Variants in CUX1 observed in about 807,000 individuals in gnomAD.
CUX1 encodes protein CASP.
Under a neutral mutation model 158.8 loss-of-function variants are expected in CUX1, and 31 were observed. That is an observed-to-expected ratio of 0.20 (90% CI 0.15 to 0.26). The LOEUF (loss-of-function observed/expected upper bound fraction) is 0.26, where lower values mean the gene tolerates loss of function less well. Ranked by LOEUF, CUX1 falls within the 10% of genes least tolerant of loss-of-function variation. CUX1 has a pLI of 1.00. For missense variants in CUX1, 1,589 were observed against 2,014.6 expected, an observed-to-expected ratio of 0.79 and a Z score of 4.04; for synonymous variants, 879 against 862.1, an observed-to-expected ratio of 1.02 and a Z score of -0.34.
At chr7:101,820,817 TA>T (rs1792384711) in intron 1 of CUX1, among the ~76,000 whole-genome samples, 1 of 152,166 alleles carries the variant, frequency 6.6e-6, no homozygotes, top group South Asian at 2.1e-4. Flanking sequence ...GCAATTCTGG[TA>T]TCTAATTGGA....
chr7:102,113,182 G>A (rs1554490785), intron 7 of CUX1, among the ~76,000 whole-genome samples: 1 of 152,192 alleles, frequency 6.6e-6, no homozygotes, highest in East Asian at 1.9e-4. Flanking sequence ...TCAGGGAGAT[G>A]CAGATTCAAT....
At chr7:102,082,809 G>T (rs1229450284) in intron 4 of CUX1, among the ~76,000 whole-genome samples, 1 of 147,452 alleles carries the variant, frequency 6.8e-6, no homozygotes, top group African/African-American at 2.4e-5. Context: ...ATTGATGAAT[G>T]ATATTCCACT....
intron 4 of CUX1, among the ~76,000 whole-genome samples, chr7:102,086,273 T>G (rs1222672845): frequency 6.6e-6 from 1 of 151,562 alleles, no homozygotes; most frequent in East Asian, 1.9e-4. Flanking sequence ...TTGTTTTCAG[T>G]TTTGTTGCTT....
intron 8 of CUX1, among the ~76,000 whole-genome samples, chr7:102,135,105 AGGG>A (rs1310965198): frequency 6.6e-6 from 1 of 152,178 alleles, no homozygotes; most frequent in African/African-American, 2.4e-5. Flanking sequence ...TGAACAACAC[AGGG>A]GTTAGAGGCA....
At chr7:101,894,183 G>GT (rs966215241) in intron 1 of CUX1, among the ~76,000 whole-genome samples, 1 of 152,144 alleles carries the variant, frequency 6.6e-6, no homozygotes, top group Admixed American at 6.6e-5. Flanking sequence ...GGATTTGGTG[G>GT]TTTTTCAAAA....
At chr7:101,854,169 G>A (rs13232623) in intron 1 of CUX1, among the ~76,000 whole-genome samples, 12,344 of 152,178 alleles carry the variant, frequency 0.081, 990 homozygotes, top group East Asian at 0.45. Context: ...ACTGGATGTC[G>A]GACAATTCTG....
At chr7:101,845,507 C>T (rs957198453) in intron 1 of CUX1, among the ~76,000 whole-genome samples, 16 of 152,104 alleles carry the variant, frequency 1.1e-4, no homozygotes, top group African/African-American at 3.9e-4. Flanking sequence ...CCTACTGAGA[C>T]CCACTGGCCT....
intron 6 of CUX1, among the ~76,000 whole-genome samples, chr7:102,106,718 C>T (rs1010891244): frequency 6.6e-6 from 1 of 152,184 alleles, no homozygotes; most frequent in African/African-American, 2.4e-5. Flanking sequence ...TGGCAGCACA[C>T]GGCCTATGGG....
chr7:101,966,669 A>T (rs1401615384), intron 2 of CUX1, among the ~76,000 whole-genome samples: 1 of 152,148 alleles, frequency 6.6e-6, no homozygotes, highest in Non-Finnish European at 1.5e-5. Flanking sequence ...TAGAAAGAGC[A>T]TGGCAGGGGG....
intron 16 of CUX1, 76 bp from the exon 17 acceptor site, chr7:102,199,995 G>A (rs1052014642): frequency 1.6e-6 from 2 of 1,284,136 alleles, no homozygotes; most frequent in African/African-American, 3.0e-5. Flanking sequence ...CTATATATCA[G>A]AATGACGTCT....
chr7:101,849,572 G>C (rs550625334), intron 1 of CUX1, among the ~76,000 whole-genome samples: 93 of 152,136 alleles, frequency 6.1e-4, no homozygotes, highest in African/African-American at 2.2e-3. Context: ...TCTTTATCCA[G>C]TCCATTATTG....
intron 4 of CUX1, among the ~76,000 whole-genome samples, chr7:102,086,572 T>C (rs1425663635): frequency 6.6e-6 from 1 of 151,986 alleles, no homozygotes; most frequent in East Asian, 1.9e-4. Context: ...ATATTGACTA[T>C]ATAAAAATCA....
intron 3 of CUX1, among the ~76,000 whole-genome samples, chr7:102,056,452 C>T (rs1384929802): frequency 6.6e-6 from 1 of 152,190 alleles, no homozygotes; most frequent in Non-Finnish European, 1.5e-5. Context: ...AATTAAGCTA[C>T]ACCTACTCTG....
intron 1 of CUX1, among the ~76,000 whole-genome samples, chr7:101,880,968 G>A (rs557752445): frequency 6.6e-6 from 1 of 152,346 alleles, no homozygotes; most frequent in Non-Finnish European, 1.5e-5. Context: ...ATTAGAGTGA[G>A]CAGATGTGTA....
At chr7:101,997,411 T>C (rs1430288446) in intron 2 of CUX1, among the ~76,000 whole-genome samples, 1 of 152,222 alleles carries the variant, frequency 6.6e-6, no homozygotes, top group African/African-American at 2.4e-5. Context: ...TGGTGCAATC[T>C]GGGCTCACTG....
chr7:101,816,992 T>C (rs1236140018), upstream of CUX1: 1 of 983,780 alleles, frequency 1.0e-6, no homozygotes, highest in African/African-American at 1.8e-5. Context: ...CGCGCTCTTT[T>C]GTGTGCCTGT....
chr7:102,248,642 C>G lies in CUX1; in HGVS notation c.4118C>G (p.Thr1373Arg). The stretch of plus-strand genomic sequence containing the variant: ...GAGGTGCCGCGGCCGGCGGAGCAGA[C>G]GGAGCCGCCGCCCTCGGGGACCCCG... The part of the protein sequence containing the change: ...REEVPRPAEQ[T>R]EPPPSGTPGP... The change falls in exon 24 of 24, where the codon ACG becomes AGG. Residue 1373 changes from threonine (T) to arginine (R), a missense_variant. By Grantham distance (71) the Thr-to-Arg change is moderately conservative. This residue lies in a region of CUX1 where 344 missense variants were observed against 323.7 expected (regional missense o/e 1.06). Transcript: ENST00000292535. The surrounding 1 kb of genome is among the most constrained non-coding windows in gnomAD (Gnocchi z 5.8). 7.2e-7 allele frequency: 1 copy of G among 1,384,060 alleles called. No homozygotes were observed. The highest frequency in any genetic ancestry group is 9.3e-7 in the Non-Finnish European group (1 of 1,072,634). 85.7% of individuals were successfully genotyped at this position (1,384,060 alleles called of 1,614,324 possible).
At chr7:101,902,454 G>A (rs1049608942) in intron 1 of CUX1, among the ~76,000 whole-genome samples, 3 of 152,216 alleles carry the variant, frequency 2.0e-5, no homozygotes, top group South Asian at 4.1e-4. Flanking sequence ...GGCCCTTGAA[G>A]TATGGCAGCT....
At position 101,939,082 on chromosome 7, in the gene CUX1, T is replaced by C. The variant is rs865913935; in HGVS notation, c.141+22857T>C. ...ACATATATATATATATATATATATA[T>C]ATATATATATATATATATATATATA... On this transcript the variant is annotated intron_variant, in intron 2 of 23. Coordinates refer to ENST00000292535, the MANE Select transcript of CUX1 (RefSeq NM_181552.4). Among the ~76,000 whole-genome samples the C allele has an allele frequency of 1.0e-3, 61 of 58,210 alleles. 5 individuals carry two copies. The highest frequency in any genetic ancestry group is 9.5e-4 in the Non-Finnish European group (26 of 27,446). 38.2% of individuals were successfully genotyped at this position (58,210 alleles called of 152,430 possible). A position where few individuals can be genotyped will look rare whatever the true frequency, so the allele number is the denominator to read the frequency against.
Sources: allele counts gnomAD v4.1 joint callset (sites outside exome capture counted in the v4.1 genomes callset), GRCh38; gene constraint gnomAD v4.1.1; regional missense constraint gnomAD v4.1.1; non-coding constraint Gnocchi (gnomAD v3.1); transcripts MANE v1.5; gene names NCBI Gene and HGNC (gene_info 2026-07-23, HGNC 2026-07-21).